Variants in ADAM23 observed in about 807,000 individuals in gnomAD.
The protein encoded by ADAM23 is disintegrin and metalloproteinase domain-containing protein 23.
ADAM23 carries 33 observed loss-of-function variants against 120.1 expected under a neutral mutation model. The observed-to-expected ratio is 0.27, with a 90% confidence interval of 0.21 to 0.37. The LOEUF (loss-of-function observed/expected upper bound fraction) is 0.37. ADAM23 is among the 10% of genes least tolerant of loss of function. ADAM23 has a pLI of 1.00. For missense variants in ADAM23, 862 were observed against 1,058.2 expected, an observed-to-expected ratio of 0.81 and a Z score of 2.57; for synonymous variants, 367 against 375.2, an observed-to-expected ratio of 0.98 and a Z score of 0.25.
At chr2:206,547,375 T>C in intron 6 of ADAM23, 54 bp from the exon 7 acceptor site, 1 of 1,452,152 alleles carries the variant, frequency 6.9e-7, no homozygotes, top group Non-Finnish European at 9.5e-7. Context: ...CACTGTTTCA[T>C]AGAGGCTTGT....
intron 9 of ADAM23, among the ~76,000 whole-genome samples, chr2:206,552,864 C>T (rs1196261710): frequency 6.6e-6 from 1 of 151,008 alleles, no homozygotes; most frequent in Non-Finnish European, 1.5e-5. Context: ...AACTGGGTTT[C>T]GCCATATTGC....
At position 206,444,079 on chromosome 2, in the gene ADAM23, C is replaced by T. The variant is rs1416501674; in HGVS notation, c.213C>T (p.Ser71=). The change falls in exon 1 of 26, where the codon AGC becomes AGT. Residue 71 remains serine, a splice_region_variant and synonymous_variant. Transcript: ENST00000264377. Reference sequence around the variant, plus strand: ...GCGCCTGGGGGGCTGCTGCGCCCAGCGGTGGGTATGGCCCCGTGCCCTTTG... The same window carrying T: ...GCGCCTGGGGGGCTGCTGCGCCCAGTGGTGGGTATGGCCCCGTGCCCTTTG... ...RPRAWGAAAP[S]APHWNETAEK... is the part of the protein sequence containing the mutation. 2 of 1,358,070 alleles carry T rather than the reference C, an allele frequency of 1.5e-6. No individual in the cohort carries two copies. Among genetic ancestry groups the T allele is most frequent in the Admixed American group, 3.1e-5 (1 of 32,452 alleles). The allele number at this position is 1,358,070 out of a possible 1,614,324, so 84.1% of individuals were successfully genotyped here.
At chr2:206,536,225 T>G (rs549746157) in intron 4 of ADAM23, among the ~76,000 whole-genome samples, 18 of 151,550 alleles carry the variant, frequency 1.2e-4, no homozygotes, top group African/African-American at 4.4e-4. Context: ...GCGTGTGTGT[T>G]TGTGTGTGTG....
At chr2:206,504,993 C>A (rs1696467110) in intron 3 of ADAM23, among the ~76,000 whole-genome samples, 1 of 152,166 alleles carries the variant, frequency 6.6e-6, no homozygotes, top group East Asian at 1.9e-4. Flanking sequence ...GATTCTGGGA[C>A]TGAGAATATG....
intron 2 of ADAM23, among the ~76,000 whole-genome samples, chr2:206,463,734 G>A (rs1020085540): frequency 2.0e-5 from 3 of 152,226 alleles, no homozygotes; most frequent in Non-Finnish European, 2.9e-5. Context: ...CGGGATCAGG[G>A]GCAGGTCAGG....
At chr2:206,525,636 G>T (rs1190648502) in intron 3 of ADAM23, among the ~76,000 whole-genome samples, 5 of 152,076 alleles carry the variant, frequency 3.3e-5, no homozygotes, top group Non-Finnish European at 7.4e-5. Flanking sequence ...CTGTCGCTCA[G>T]GCTGGAATGC....
chr2:206,561,243 G>T (rs756284706), intron 12 of ADAM23, 31 bp downstream of exon 12: 5 of 1,581,334 alleles, frequency 3.2e-6, no homozygotes, highest in Non-Finnish European at 4.3e-6. Flanking sequence ...TTTCATCTTT[G>T]CATCTGTTCT....
chr2:206,547,332 C>T, intron 6 of ADAM23, 97 bp from the exon 7 acceptor site: 3 of 907,122 alleles, frequency 3.3e-6, no homozygotes, highest in Non-Finnish European at 3.3e-6. Context: ...ATAAATATTC[C>T]CATTTTAGGA....
At chr2:206,530,372 T>C (rs867850451) in intron 3 of ADAM23, among the ~76,000 whole-genome samples, 4 of 152,238 alleles carry the variant, frequency 2.6e-5, no homozygotes, top group Non-Finnish European at 2.9e-5. Flanking sequence ...ACCTTTGCTT[T>C]ATACTCTTCC....
intron 3 of ADAM23, among the ~76,000 whole-genome samples, chr2:206,502,888 T>C (rs1696418760): frequency 6.6e-6 from 1 of 152,176 alleles, no homozygotes; most frequent in Non-Finnish European, 1.5e-5. Context: ...CTAACCGTGG[T>C]AGAGTACCCT....
chr2:206,473,292 T>C (rs1396341545), intron 2 of ADAM23, among the ~76,000 whole-genome samples: 1 of 152,160 alleles, frequency 6.6e-6, no homozygotes, highest in Admixed American at 6.5e-5. Flanking sequence ...CTGAATTCTT[T>C]CTTTAAATGC....
chr2:206,482,340 G>A (rs550656218), intron 3 of ADAM23, among the ~76,000 whole-genome samples: 99 of 152,198 alleles, frequency 6.5e-4, no homozygotes, highest in Non-Finnish European at 1.2e-3. Context: ...TGCTGTGTCA[G>A]CAGTTTGTCT....
intron 25 of ADAM23, among the ~76,000 whole-genome samples, chr2:206,615,559 A>G (rs1698919507): frequency 6.6e-6 from 1 of 152,194 alleles, no homozygotes; most frequent in Non-Finnish European, 1.5e-5. Context: ...CTCTGTCCTC[A>G]TCGCAGTGTG....
intron 4 of ADAM23, among the ~76,000 whole-genome samples, chr2:206,533,396 G>C (rs546182378): frequency 6.6e-6 from 1 of 152,168 alleles, no homozygotes; most frequent in Admixed American, 6.5e-5. Flanking sequence ...GTAGAGACGG[G>C]GTTTCACCAT....
At chr2:206,570,589 A>G (rs1362676978) in intron 15 of ADAM23, 151 bp from the exon 16 acceptor site, 3 of 597,542 alleles carry the variant, frequency 5.0e-6, no homozygotes, top group Admixed American at 2.6e-5. Flanking sequence ...TATTTCCCAT[A>G]CAGTCATCAT....
intron 3 of ADAM23, among the ~76,000 whole-genome samples, chr2:206,496,497 A>G (rs188585605): frequency 6.6e-6 from 1 of 152,292 alleles, no homozygotes; most frequent in African/African-American, 2.4e-5. Flanking sequence ...GACACATTCA[A>G]AGCAGTGTGT....
At chr2:206,454,741 C>A (rs922025131) in intron 2 of ADAM23, among the ~76,000 whole-genome samples, 10 of 152,244 alleles carry the variant, frequency 6.6e-5, no homozygotes, top group African/African-American at 1.7e-4. Flanking sequence ...AAAGGGGCTA[C>A]AGGCTCCATG....
intron 18 of ADAM23, among the ~76,000 whole-genome samples, chr2:206,574,641 A>G (rs1698076354): frequency 6.6e-6 from 1 of 152,170 alleles, no homozygotes; most frequent in Non-Finnish European, 1.5e-5. Flanking sequence ...AAAATAAGGA[A>G]TAAGCAGCAC....
Position 206,531,019 on chromosome 2 carries a change from C to T in ADAM23, c.573+71C>T, listed in dbSNP as rs952827688. The T allele has an allele frequency of 6.3e-6, 8 of 1,265,328 alleles. No homozygotes were observed. In the East Asian group the frequency reaches 7.5e-5, roughly 12 times the overall value. 78.4% of individuals were successfully genotyped at this position (1,265,328 alleles called of 1,614,324 possible). ...TCATAGAGTTGATCAGTGCACACTG[C>T]GTTGTTTTGACGTCTGTCTCAGTAA... On this transcript the variant is annotated intron_variant, in intron 4 of 25. Coordinates refer to ENST00000264377, the MANE Select transcript of ADAM23 (RefSeq NM_003812.4).
Sources: allele counts gnomAD v4.1 joint callset (sites outside exome capture counted in the v4.1 genomes callset), GRCh38; gene constraint gnomAD v4.1.1; transcripts MANE v1.5; gene names NCBI Gene and HGNC (gene_info 2026-07-23, HGNC 2026-07-21).